Variants in VEPH1 observed in about 807,000 individuals in gnomAD.
VEPH1 encodes ventricular zone expressed PH domain containing 1, also known as ventricular zone-expressed PH domain-containing protein homolog 1.
VEPH1 carries 80 observed loss-of-function variants against 85.2 expected under a neutral mutation model. The observed-to-expected ratio is 0.94, with a 90% CI of 0.78 to 1.13. The LOEUF (loss-of-function observed/expected upper bound fraction) is 1.13, where lower values mean the gene tolerates loss of function less well. Among genes scored for constraint, VEPH1 ranks in the 50% most tolerant of loss-of-function variants. The pLI is 0.00. For synonymous variants in VEPH1, 297 were observed against 348.0 expected (o/e 0.85, Z 1.63); for missense variants, 955 against 980.5 (o/e 0.97, Z 0.35).
intron 2 of VEPH1, among the ~76,000 whole-genome samples, chr3:157,472,793 A>C (rs1378737470): frequency 1.3e-5 from 2 of 152,128 alleles, no homozygotes; most frequent in Admixed American, 1.3e-4. Flanking sequence ...TTCCTGCATT[A>C]ATCTGCTAAG....
intron 5 of VEPH1, among the ~76,000 whole-genome samples, chr3:157,420,560 T>C (rs943054903): frequency 6.6e-6 from 1 of 152,232 alleles, no homozygotes; most frequent in Non-Finnish European, 1.5e-5. Context: ...CCAAAAACCA[T>C]AGTTCTGCTC....
intron 12 of VEPH1, among the ~76,000 whole-genome samples, chr3:157,276,332 T>G (rs1241583021): frequency 6.6e-6 from 1 of 152,226 alleles, no homozygotes; most frequent in Non-Finnish European, 1.5e-5. Context: ...CTGAACTGTG[T>G]TGTGAGAACC....
intron 7 of VEPH1, among the ~76,000 whole-genome samples, chr3:157,372,582 T>C (rs1178186025): frequency 6.6e-6 from 1 of 152,230 alleles, no homozygotes; most frequent in South Asian, 2.1e-4. Flanking sequence ...TAAATCTCTT[T>C]CCTTTAGGTC....
chr3:157,403,247 A>T (rs1024673569), intron 6 of VEPH1, among the ~76,000 whole-genome samples: 3 of 152,130 alleles, frequency 2.0e-5, no homozygotes, highest in Non-Finnish European at 2.9e-5. Flanking sequence ...CTACAAAAAA[A>T]AATCAAATAA....
chr3:157,437,928 C>T, intron 4 of VEPH1: 1 of 1,527,448 alleles, frequency 6.5e-7, no homozygotes, highest in Non-Finnish European at 8.7e-7. Context: ...AGGAGGCAAG[C>T]GGGGCCGGGA....
intron 1 of VEPH1, among the ~76,000 whole-genome samples, chr3:157,501,465 C>T (rs1021604942): frequency 2.6e-5 from 4 of 152,152 alleles, no homozygotes; most frequent in African/African-American, 7.2e-5. Context: ...CACTCCTTCC[C>T]GTGTTTATTA....
At chr3:157,316,112 A>G (rs1188267385) in intron 10 of VEPH1, 1 of 152,046 alleles carries the variant, frequency 6.6e-6, no homozygotes, top group Admixed American at 6.5e-5. Context: ...CTTTATTATT[A>G]TAATGTATTC....
chr3:157,447,825 C>A (rs549940783), intron 4 of VEPH1, among the ~76,000 whole-genome samples: 4 of 152,184 alleles, frequency 2.6e-5, no homozygotes, highest in South Asian at 4.2e-4. Context: ...GAACTCCTGA[C>A]AACAAGTGAT....
At chr3:157,436,916 C>G (rs1484762777) in intron 4 of VEPH1, 1 of 1,610,650 alleles carries the variant, frequency 6.2e-7, no homozygotes, top group African/African-American at 1.3e-5. Context: ...GTGGAAAGAA[C>G]TTTGCGTCTC....
intron 11 of VEPH1, among the ~76,000 whole-genome samples, chr3:157,288,395 A>G (rs1362301492): frequency 6.6e-6 from 1 of 152,206 alleles, no homozygotes; most frequent in Non-Finnish European, 1.5e-5. Context: ...GAGAATGATC[A>G]AGTGGCTATC....
At chr3:157,278,229 T>C (rs1577219652) in intron 12 of VEPH1, among the ~76,000 whole-genome samples, 1 of 152,316 alleles carries the variant, frequency 6.6e-6, no homozygotes, top group South Asian at 2.1e-4. Flanking sequence ...TACAAAAGGC[T>C]TCCAATACTG....
Position 157,428,454 on chromosome 3 carries a change from C to T in VEPH1, c.564G>A (p.Val188=), listed in dbSNP as rs1732908942. 6.2e-7 allele frequency: 1 copy of T among 1,613,822 alleles called. No homozygotes were observed. The highest frequency in any genetic ancestry group is 8.5e-7 in the Non-Finnish European group (1 of 1,179,906). The change falls in exon 5 of 14, where the codon GTG becomes GTA. Residue 188 remains valine (V), a synonymous_variant. Coordinates refer to ENST00000362010, the MANE Select transcript of VEPH1 (RefSeq NM_001167912.2). ...TAATTGGCTGAGGCTGCTTTTCATACACAGCAGGTAACACTCTCAACAACA... is the reference window on the plus strand; with the variant it reads ...TAATTGGCTGAGGCTGCTTTTCATATACAGCAGGTAACACTCTCAACAACA... ...NTMLLRVLPA[V]YEKQPQPINR...
chr3:157,449,730 T>C (rs1361741021), intron 4 of VEPH1, among the ~76,000 whole-genome samples: 2 of 152,242 alleles, frequency 1.3e-5, no homozygotes, highest in Admixed American at 1.3e-4. Flanking sequence ...CCTCTGTTGC[T>C]ATTTTATCAA....
chr3:157,456,944 A>G (rs1433996802), intron 4 of VEPH1, among the ~76,000 whole-genome samples: 1 of 152,158 alleles, frequency 6.6e-6, no homozygotes, highest in African/African-American at 2.4e-5. Context: ...ATAATATTGA[A>G]TCTATAAATT....
In VEPH1 at chr3:157,383,896, T is replaced by C. The variant is rs1729028101; in HGVS notation, c.907-2520A>G. Among the ~76,000 whole-genome samples, 7 of 152,330 alleles carry C rather than the reference T, an allele frequency of 4.6e-5. No homozygotes were observed. In the South Asian group the frequency reaches 1.4e-3, roughly 32 times the overall value. On this transcript the variant is annotated intron_variant, in intron 6 of 13. Coordinates refer to ENST00000362010, the MANE Select transcript of VEPH1 (RefSeq NM_001167912.2). ...CTTGGATCCAACAGTTTTTGTTTTT[T>C]TTTGCAACATAGACTCATTTATTAA...
intron 11 of VEPH1, among the ~76,000 whole-genome samples, chr3:157,304,038 T>TATATATATATATAC: frequency 9.3e-5 from 9 of 96,916 alleles, no homozygotes; most frequent in East Asian, 3.7e-4. Context: ...TATATATATA[T>TATATATATATATAC]ACACACATAC....
chr3:157,491,550 T>G (rs192102381), intron 2 of VEPH1, among the ~76,000 whole-genome samples: 13 of 152,260 alleles, frequency 8.5e-5, no homozygotes, highest in African/African-American at 2.9e-4. Flanking sequence ...TTGTAGTAAC[T>G]GGTAGAAAAA....
intron 13 of VEPH1, 48 bp downstream of exon 13, chr3:157,265,478 G>T (rs1713500991): frequency 1.3e-6 from 2 of 1,590,412 alleles, no homozygotes; most frequent in African/African-American, 1.3e-5. Flanking sequence ...TATTGGTGGA[G>T]ATCAAAACCT....
chr3:157,488,349 C>A (rs1434039054), intron 2 of VEPH1, among the ~76,000 whole-genome samples: 1 of 152,218 alleles, frequency 6.6e-6, no homozygotes, highest in Non-Finnish European at 1.5e-5. Context: ...GTCATAATGA[C>A]CTTCATGTGT....
Sources: gnomAD v4.1 joint callset for allele counts (sites outside exome capture counted in the v4.1 genomes callset) on GRCh38, gnomAD v4.1.1 for gene constraint, MANE v1.5 for transcripts, NCBI Gene and HGNC (gene_info 2026-07-23, HGNC 2026-07-21) for gene names.